EML6: variants seen among roughly 807,000 people sequenced by gnomAD.
EML6 encodes EMAP like 6, also known as echinoderm microtubule-associated protein-like 6.
EML6 carries 154 observed loss-of-function variants against 240.1 expected under a neutral mutation model. That is an observed-to-expected ratio of 0.64 (90% CI 0.56 to 0.73). The LOEUF (loss-of-function observed/expected upper bound fraction) is 0.73, where lower values mean the gene tolerates loss of function less well. EML6 is among the 30% of genes least tolerant of loss of function. The pLI, the probability that EML6 is intolerant of heterozygous loss-of-function variation, is 0.00. For missense variants in EML6, 2,964 were observed against 2,474.6 expected (o/e 1.20, Z -4.20); for synonymous variants, 1,148 against 899.0 (o/e 1.28, Z -4.95).
chr2:54,759,318 A>C (rs1667874694), intron 2 of EML6, among the ~76,000 whole-genome samples: 1 of 151,586 alleles, frequency 6.6e-6, no homozygotes, highest in African/African-American at 2.4e-5. Context: ...GTTTAGGAAT[A>C]CTGTCCAAAG....
At chr2:54,959,835 T>A (rs991427508) in intron 34 of EML6, among the ~76,000 whole-genome samples, 1 of 152,198 alleles carries the variant, frequency 6.6e-6, no homozygotes. Context: ...TTGCTGTTGA[T>A]AAAACGTTAT....
intron 15 of EML6, among the ~76,000 whole-genome samples, 200 bp from the exon 16 acceptor site, chr2:54,871,300 G>A (rs1671243564): frequency 6.6e-6 from 1 of 152,190 alleles, no homozygotes; most frequent in African/African-American, 2.4e-5. Flanking sequence ...CTACCTGATT[G>A]CCAGGACAAG....
intron 32 of EML6, 64 bp from the exon 33 acceptor site, chr2:54,957,726 G>C (rs1573216408): frequency 2.7e-6 from 4 of 1,468,058 alleles, no homozygotes; most frequent in Non-Finnish European, 2.8e-6. Flanking sequence ...CTCCTGGGCT[G>C]CGGCTCCCCC....
chr2:54,853,069 A>G (rs990916687), intron 10 of EML6, among the ~76,000 whole-genome samples: 1 of 152,192 alleles, frequency 6.6e-6, no homozygotes, highest in Non-Finnish European at 1.5e-5. Flanking sequence ...AATAATATTC[A>G]CTAATTTTTT....
chr2:54,863,153 A>T (rs1465188417), intron 12 of EML6, among the ~76,000 whole-genome samples: 1 of 152,216 alleles, frequency 6.6e-6, no homozygotes, highest in Non-Finnish European at 1.5e-5. Flanking sequence ...GGCCATGACA[A>T]TTACCAACAC....
rs369255283 is a variant in EML6, at chr2:54,953,987, A to C, written c.4317A>C (p.Thr1439=). ...GTCATGCCTCTCCACACTCAGGGAC[A>C]ACACCTTCCATCCACATATGGGACG... is the stretch of plus-strand genomic sequence containing the variant. The part of the protein sequence containing the change: ...RNVVATSQIG[T]TPSIHIWDAM... Residue 1439 remains threonine (T), a synonymous_variant, in exon 32 of 42, where the codon ACA becomes ACC. Coordinates refer to ENST00000356458, the MANE Select transcript of EML6 (RefSeq NM_001039753.4). 5 of 1,550,622 alleles carry C rather than the reference A, an allele frequency of 3.2e-6. No individual in the cohort carries two copies. Among genetic ancestry groups the C allele is most frequent in the Non-Finnish European group, 4.4e-6 (5 of 1,146,312 alleles).
In EML6 at chr2:54,847,472, G is replaced by C; in HGVS notation, c.1050-14G>C. 2 of 1,549,536 alleles carry C rather than the reference G, an allele frequency of 1.3e-6. No homozygotes were observed. The highest frequency in any genetic ancestry group is 1.7e-6 in the Non-Finnish European group (2 of 1,146,248). ...GTTGGTTTTGTTTTGTTTTGACTTC[G>C]TTCTTGTGCCTAGGCTGTGGAGCCT... On this transcript the variant is annotated splice_polypyrimidine_tract_variant and intron_variant, in intron 8 of 41. Transcript: ENST00000356458.
intron 32 of EML6, among the ~76,000 whole-genome samples, chr2:54,956,330 C>T (rs1476153636): frequency 2.0e-5 from 3 of 149,200 alleles, no homozygotes; most frequent in African/African-American, 5.0e-5. Context: ...CTCTTTCCAT[C>T]TCATTGGCCA....
chr2:54,966,671 TG>T (rs1676761722), intron 38 of EML6: 1 of 170,946 alleles, frequency 5.8e-6, no homozygotes, highest in Non-Finnish European at 1.3e-5. Flanking sequence ...GGTGTCTGTC[TG>T]GGTAGGTTTG....
intron 26 of EML6, among the ~76,000 whole-genome samples, chr2:54,917,179 C>A (rs1007742960): frequency 1.3e-5 from 2 of 152,150 alleles, no homozygotes; most frequent in African/African-American, 4.8e-5. Context: ...TCACAAACTG[C>A]AAAGTAAGTG....
intron 13 of EML6, among the ~76,000 whole-genome samples, chr2:54,864,216 T>C (rs1020929061): frequency 1.3e-5 from 2 of 152,238 alleles, no homozygotes; most frequent in African/African-American, 4.8e-5. Context: ...TTTTTCACTT[T>C]CTTAGCAGAT....
At chr2:54,905,789 G>T (rs776640995) in intron 24 of EML6, among the ~76,000 whole-genome samples, 1 of 152,154 alleles carries the variant, frequency 6.6e-6, no homozygotes, top group African/African-American at 2.4e-5. Context: ...TACAGTATTT[G>T]TCTTTCTATA....
intron 2 of EML6, among the ~76,000 whole-genome samples, chr2:54,791,962 G>T (rs561796952): frequency 6.6e-6 from 1 of 152,148 alleles, no homozygotes; most frequent in Admixed American, 6.5e-5. Flanking sequence ...AAATCCTGGC[G>T]ATCTCTTTCA....
rs1687154960 is a variant in EML6, at chr2:54,923,782, T to C, written c.3676-4531T>C. On this transcript the variant is annotated intron_variant, in intron 26 of 41. Coordinates refer to ENST00000356458, the MANE Select transcript of EML6 (RefSeq NM_001039753.4). ...CCCCAGGCTGCTTCCTCATACTCCTTCTGGGCCAGTCCCCATGCCCCCTCC... is the reference window on the plus strand; with the variant it reads ...CCCCAGGCTGCTTCCTCATACTCCTCCTGGGCCAGTCCCCATGCCCCCTCC... Among the ~76,000 whole-genome samples the C allele has an allele frequency of 3.9e-5, 6 of 152,166 alleles. No homozygotes were observed. In the South Asian group the frequency reaches 1.2e-3, roughly 32 times the overall value.
intron 16 of EML6, among the ~76,000 whole-genome samples, chr2:54,874,882 C>G (rs1319692662): frequency 6.6e-6 from 1 of 152,112 alleles, no homozygotes; most frequent in Non-Finnish European, 1.5e-5. Context: ...GTGGGGTGGC[C>G]TGGGTAAAAG....
intron 19 of EML6, among the ~76,000 whole-genome samples, chr2:54,893,932 G>A (rs924817817): frequency 2.0e-5 from 3 of 152,108 alleles, no homozygotes; most frequent in African/African-American, 7.2e-5. Context: ...AATTTCTGTA[G>A]GCCCAGAAGT....
intron 12 of EML6, among the ~76,000 whole-genome samples, chr2:54,861,774 T>A (rs374416348): frequency 1.3e-5 from 2 of 150,182 alleles, no homozygotes; most frequent in Non-Finnish European, 3.0e-5. Context: ...TTTTTGTTTT[T>A]TTTTTTTTTT....
chr2:54,871,219 A>T lies in EML6; in HGVS notation c.2239-281A>T, dbSNP rs183866569. Among the ~76,000 whole-genome samples the T allele has an allele frequency of 1.2e-3, 176 of 152,326 alleles. 1 individual carries two copies. Among genetic ancestry groups the T allele is most frequent in the African/African-American group, 4.1e-3 (170 of 41,576 alleles). On this transcript the variant is annotated intron_variant, in intron 15 of 41. Coordinates refer to ENST00000356458, the MANE Select transcript of EML6 (RefSeq NM_001039753.4). ...AGAGGGAATGGTAGAAGTAACTGAC[A>T]AAAACAAGGCACAGTGGACATTTGA...
chr2:54,813,390 A>G lies in EML6; in HGVS notation c.356A>G (p.Gln119Arg). Residue 119 changes from glutamine to arginine, a missense_variant and splice_region_variant, in exon 3 of 42, where the codon CAG becomes CGG. By Grantham distance (43) the Gln-to-Arg change is conservative (BLOSUM62 1). Coordinates refer to ENST00000356458, the MANE Select transcript of EML6 (RefSeq NM_001039753.4). Reference sequence around the variant, plus strand: ...TGCCTGGCTTTTGACTCAGATGGACAGGTGTGTATCTTTTTTTAGTTGTTT... The same window carrying G: ...TGCCTGGCTTTTGACTCAGATGGACGGGTGTGTATCTTTTTTTAGTTGTTT... ...VACLAFDSDG[Q>R]RLASVGLDAK... The G allele has an allele frequency of 6.5e-7, 1 of 1,550,330 alleles. No homozygotes were observed.
Sources: gnomAD v4.1 joint callset for allele counts (sites outside exome capture counted in the v4.1 genomes callset) on GRCh38, gnomAD v4.1.1 for gene constraint, MANE v1.5 for transcripts, NCBI Gene and HGNC (gene_info 2026-07-23, HGNC 2026-07-21) for gene names.